Variants in RGS3 observed in about 807,000 individuals in gnomAD.
The protein encoded by RGS3 is regulator of G protein signaling 3.
Under a neutral mutation model 132.6 loss-of-function variants are expected in RGS3, and 80 were observed. That is an observed-to-expected ratio of 0.60 (90% CI 0.50 to 0.73). RGS3 has a LOEUF of 0.73. Ranked by LOEUF, RGS3 falls within the 30% of genes least tolerant of loss-of-function variation. RGS3 has a pLI of 0.00. For missense variants in RGS3, 1,382 were observed against 1,530.8 expected (o/e 0.90, Z 1.62); for synonymous variants, 598 against 620.6 (o/e 0.96, Z 0.54).
intron 3 of RGS3, among the ~76,000 whole-genome samples, chr9:113,477,899 T>A (rs1830041963): frequency 6.6e-6 from 1 of 152,196 alleles, no homozygotes; most frequent in South Asian, 2.1e-4. Flanking sequence ...TGCTTTCTGA[T>A]GTCTCCAGTG....
chr9:113,491,797 G>T (rs1255567179), intron 7 of RGS3, among the ~76,000 whole-genome samples: 6 of 151,720 alleles, frequency 4.0e-5, no homozygotes, highest in Non-Finnish European at 1.5e-5. Flanking sequence ...CAAGTGATCT[G>T]CCTGCCTTGG....
At chr9:113,464,991 G>A (rs1363175751) in intron 3 of RGS3, among the ~76,000 whole-genome samples, 1 of 152,240 alleles carries the variant, frequency 6.6e-6, no homozygotes, top group African/African-American at 2.4e-5. Flanking sequence ...CTGGCAGCAG[G>A]AATTCACTGG....
chr9:113,503,449 C>T (rs1830995204), intron 10 of RGS3: 1 of 152,538 alleles, frequency 6.6e-6, no homozygotes, highest in Non-Finnish European at 1.5e-5. Flanking sequence ...TCTTCCCCTC[C>T]TTCACACTCC....
chr9:113,446,625 G>C (rs1829104749), intron 1 of RGS3, among the ~76,000 whole-genome samples: 1 of 152,264 alleles, frequency 6.6e-6, no homozygotes. Flanking sequence ...CAGGGGACTG[G>C]TAGTTCCTCG....
At chr9:113,562,080 G>GTGGAAA (rs762736000) in intron 19 of RGS3, among the ~76,000 whole-genome samples, 3 of 152,236 alleles carry the variant, frequency 2.0e-5, no homozygotes, top group East Asian at 1.9e-4. Flanking sequence ...GCAGGACACA[G>GTGGAAA]TGGAAAGTGA....
In RGS3 at chr9:113,525,957, C is replaced by T. The variant is rs146842774; in HGVS notation, c.1870+2916C>T. On this transcript the variant is annotated intron_variant, in intron 17 of 24. Coordinates refer to ENST00000350696, the Ensembl canonical transcript of RGS3. Reference sequence around the variant, plus strand: ...TAAATCTTGTCTGGCCCCGTCCTGCCCAGCCTCCCCTAGGCTTCAGCAGGG... The same window carrying T: ...TAAATCTTGTCTGGCCCCGTCCTGCTCAGCCTCCCCTAGGCTTCAGCAGGG... 8.0e-4 allele frequency among the ~76,000 whole-genome samples: 122 copies of T among 152,332 alleles called. 2 individuals carry two copies. In the East Asian group the frequency reaches 0.019, roughly 24 times the overall value.
intron 1 of RGS3, among the ~76,000 whole-genome samples, chr9:113,446,294 C>T (rs1265731779): frequency 2.0e-5 from 3 of 152,154 alleles, no homozygotes; most frequent in African/African-American, 4.8e-5. Context: ...GTATCTAATA[C>T]ATATTAGAGA....
chr9:113,469,798 A>C (rs1313478369), intron 3 of RGS3, among the ~76,000 whole-genome samples: 1 of 151,998 alleles, frequency 6.6e-6, no homozygotes, highest in Non-Finnish European at 1.5e-5. Flanking sequence ...TTTTCTGGTA[A>C]TATTTTTATA....
chr9:113,457,803 G>A (rs1232355951), upstream of RGS3, among the ~76,000 whole-genome samples: 1 of 151,832 alleles, frequency 6.6e-6, no homozygotes, highest in African/African-American at 2.4e-5. Context: ...CATTTCCTTG[G>A]TTACTAGAAA....
At chr9:113,571,340 T>C (rs1415296438) in intron 19 of RGS3, among the ~76,000 whole-genome samples, 1 of 152,258 alleles carries the variant, frequency 6.6e-6, no homozygotes, top group African/African-American at 2.4e-5. Flanking sequence ...TTTTCCAAAG[T>C]GTGACAGGAA....
Position 113,567,164 on chromosome 9 carries a change from T to C in RGS3, c.2038-16286T>C, listed in dbSNP as rs539416424. On this transcript the variant is annotated intron_variant, in intron 19 of 24. Coordinates refer to ENST00000350696, the Ensembl canonical transcript of RGS3. Reference sequence around the variant, plus strand: ...TAAGTATGTGGTATCAGTGAAATCATTGCACTTCCAGGCTTCCTTGCCTTT... The same window carrying C: ...TAAGTATGTGGTATCAGTGAAATCACTGCACTTCCAGGCTTCCTTGCCTTT... Among the ~76,000 whole-genome samples, 559 of 152,274 alleles carry C rather than the reference T, an allele frequency of 3.7e-3. 7 individuals carry two copies. The highest frequency in any genetic ancestry group is 0.013 in the African/African-American group (520 of 41,528).
intron 18 of RGS3, among the ~76,000 whole-genome samples, chr9:113,533,093 G>A (rs1189456715): frequency 1.3e-5 from 2 of 152,208 alleles, no homozygotes; most frequent in East Asian, 1.9e-4. Flanking sequence ...GCTCCTCATT[G>A]GCGATGAGAC....
At position 113,576,609 on chromosome 9, in the gene RGS3, C is replaced by T. The variant is rs186924604; in HGVS notation, c.2038-6841C>T. Among the ~76,000 whole-genome samples the T allele has an allele frequency of 6.6e-5, 10 of 152,260 alleles. No homozygotes were observed. In the East Asian group the frequency reaches 1.4e-3, roughly 21 times the overall value. ...CCTCCCAAAGTGCTGGGATTACAGG[C>T]GTGAGCCACCGCACCCAGCGATTGT... On this transcript the variant is annotated intron_variant, in intron 19 of 24. Transcript: ENST00000350696.
chr9:113,559,674 CA>C (rs1215367726), intron 19 of RGS3, among the ~76,000 whole-genome samples: 1 of 152,188 alleles, frequency 6.6e-6, no homozygotes, highest in African/African-American at 2.4e-5. Context: ...GCCTGGGAGC[CA>C]TGCTGCCTGC....
At chr9:113,561,878 A>G (rs188238766) in intron 19 of RGS3, among the ~76,000 whole-genome samples, 1 of 152,208 alleles carries the variant, frequency 6.6e-6, no homozygotes, top group African/African-American at 2.4e-5. Context: ...CTGTCTAAAG[A>G]CTTGGGCTCT....
At chr9:113,574,480 A>G (rs1365844031) in intron 19 of RGS3, among the ~76,000 whole-genome samples, 1 of 152,258 alleles carries the variant, frequency 6.6e-6, no homozygotes, top group Non-Finnish European at 1.5e-5. Flanking sequence ...GTTTGGCAGC[A>G]ATAGCCAACA....
chr9:113,476,952 A>T (rs1830010601), intron 3 of RGS3, among the ~76,000 whole-genome samples: 1 of 152,028 alleles, frequency 6.6e-6, no homozygotes, highest in Admixed American at 6.5e-5. Context: ...TTTCAGAAAA[A>T]ATGTTTCATG....
At chr9:113,596,698 T>A in intron 24 of RGS3, 70 bp from the exon 23 acceptor site, 2 of 1,409,464 alleles carry the variant, frequency 1.4e-6, no homozygotes, top group South Asian at 1.3e-5. Context: ...ATGGGTCCCT[T>A]CCAGGCACAT....
At chr9:113,569,435 CA>C (rs917089805) in intron 19 of RGS3, among the ~76,000 whole-genome samples, 3 of 152,090 alleles carry the variant, frequency 2.0e-5, no homozygotes, top group African/African-American at 7.2e-5. Flanking sequence ...TGCCACCCCT[CA>C]AGTCAAGGGT....
Sources: allele counts gnomAD v4.1 joint callset (sites outside exome capture counted in the v4.1 genomes callset), GRCh38; gene constraint gnomAD v4.1.1; transcripts MANE v1.5; gene names NCBI Gene and HGNC (gene_info 2026-07-23, HGNC 2026-07-21).